Variants in SGPP1 observed in about 807,000 individuals in gnomAD.
The protein encoded by SGPP1 is hSPP1.
SGPP1 carries 21 observed loss-of-function variants against 33.0 expected under a neutral mutation model. The observed-to-expected ratio is 0.64, with a 90% CI of 0.45 to 0.92. The LOEUF is 0.92. Ranked by LOEUF, SGPP1 falls within the 40% of genes least tolerant of loss-of-function variation. The pLI, the probability that SGPP1 is intolerant of heterozygous loss-of-function variation, is 0.00. For synonymous variants in SGPP1, 239 were observed against 241.2 expected, an observed-to-expected ratio of 0.99 and a Z score of 0.08; for missense variants, 543 against 589.4, an observed-to-expected ratio of 0.92 and a Z score of 0.81.
intron 1 of SGPP1, among the ~76,000 whole-genome samples, chr14:63,705,494 C>A (rs1460220859): frequency 6.6e-6 from 1 of 150,968 alleles, no homozygotes; most frequent in Non-Finnish European, 1.5e-5. Flanking sequence ...AAGGCGAAAC[C>A]CCATCTCTAA....
At chr14:63,719,003 TATATATATA>T (rs1490076917) in intron 1 of SGPP1, among the ~76,000 whole-genome samples, 28 of 26,970 alleles carry the variant, frequency 1.0e-3, no homozygotes, top group African/African-American at 2.2e-3. Context: ...TATATATATA[TATATATATA>T]TATTTTTTTT....
chr14:63,697,146 CAA>C (rs748379583), intron 2 of SGPP1, among the ~76,000 whole-genome samples: 24 of 152,044 alleles, frequency 1.6e-4, no homozygotes, highest in Non-Finnish European at 1.2e-4. Flanking sequence ...CCTTTGCAAA[CAA>C]ATCTGCTTAT....
intron 1 of SGPP1, among the ~76,000 whole-genome samples, chr14:63,721,462 A>G (rs887657435): frequency 7.2e-5 from 11 of 152,204 alleles, no homozygotes; most frequent in African/African-American, 2.7e-4. Flanking sequence ...AAAAAAAGGA[A>G]TTAGTAATAA....
At chr14:63,695,243 A>C (rs1329709201) in intron 2 of SGPP1, among the ~76,000 whole-genome samples, 1 of 152,066 alleles carries the variant, frequency 6.6e-6, no homozygotes, top group Non-Finnish European at 1.5e-5. Context: ...TTTTTAGTAG[A>C]GACGGGGTTT....
At chr14:63,712,638 C>T (rs1341259108) in intron 1 of SGPP1, among the ~76,000 whole-genome samples, 1 of 152,126 alleles carries the variant, frequency 6.6e-6, no homozygotes, top group African/African-American at 2.4e-5. Context: ...GAAAACAGAA[C>T]ATTTTTAATT....
In SGPP1 at chr14:63,686,181, T is replaced by C. The variant is rs1413874845; in HGVS notation, c.1250A>G (p.Tyr417Cys). The C allele has an allele frequency of 5.0e-6, 8 of 1,613,910 alleles. No individual in the cohort carries two copies. Among genetic ancestry groups the C allele is most frequent in the Admixed American group, 3.3e-5 (2 of 60,016 alleles). ...QHMEVELPYR[Y>C]ITYGMVGFSI... ...GAAACCAACCATTCCATAGGTAATA[T>C]ACCGATAAGGAAGTTCAACTTCCAT... The change falls in exon 3 of 3, where the codon TAT becomes TGT. Residue 417 changes from tyrosine (Y) to cysteine (C), a missense_variant. Tyr to Cys is a radical substitution (Grantham distance 194). Transcript: ENST00000247225.
chr14:63,690,373 G>A (rs1885067509), intron 2 of SGPP1, among the ~76,000 whole-genome samples: 1 of 152,216 alleles, frequency 6.6e-6, no homozygotes, highest in Non-Finnish European at 1.5e-5. Flanking sequence ...AATAAAAATT[G>A]TGTCATGAAA....
chr14:63,726,469 TTGTC>T (rs1486384274), intron 1 of SGPP1, among the ~76,000 whole-genome samples: 1 of 152,204 alleles, frequency 6.6e-6, no homozygotes, highest in African/African-American at 2.4e-5. Context: ...ATTTTCCTGA[TTGTC>T]AGGCTGACCC....
intron 1 of SGPP1, among the ~76,000 whole-genome samples, chr14:63,704,370 A>G (rs1885363722): frequency 6.6e-6 from 1 of 152,168 alleles, no homozygotes; most frequent in Non-Finnish European, 1.5e-5. Flanking sequence ...CCATATACGT[A>G]TGGTTAACTG....
intron 2 of SGPP1, among the ~76,000 whole-genome samples, chr14:63,690,518 T>G (rs1401885554): frequency 2.0e-5 from 3 of 152,208 alleles, no homozygotes; most frequent in Non-Finnish European, 4.4e-5. Flanking sequence ...CAGTTGAACA[T>G]TCAACTATAA....
At chr14:63,699,553 T>C (rs185035492) in intron 1 of SGPP1, among the ~76,000 whole-genome samples, 2 of 152,176 alleles carry the variant, frequency 1.3e-5, no homozygotes, top group Admixed American at 6.5e-5. Context: ...TTGTTGGTTT[T>C]TGGTGGTTTG....
intron 1 of SGPP1, among the ~76,000 whole-genome samples, chr14:63,707,535 ATTTT>A (rs113329588): frequency 7.2e-6 from 1 of 138,994 alleles, no homozygotes; most frequent in African/African-American, 2.7e-5. Context: ...TTATCTACTG[ATTTT>A]TTTTTTTTTT....
At position 63,719,014 on chromosome 14, in the gene SGPP1, A is replaced by AT. The variant is rs1163496718; in HGVS notation, c.684+8246dup. ...TATATATATATATATATATATATAT[A>AT]TTTTTTTTTTTTTTTTTTTTTTTTT... On this transcript the variant is annotated intron_variant, in intron 1 of 2. Transcript: ENST00000247225. 1.7e-3 allele frequency among the ~76,000 whole-genome samples: 34 copies of AT among 19,434 alleles called. 6 individuals carry two copies. Among genetic ancestry groups the AT allele is most frequent in the Admixed American group, 4.0e-3 (4 of 996 alleles). The allele number at this position is 19,434 out of a possible 152,430, so 12.7% of individuals were successfully genotyped here.
At position 63,689,137 on chromosome 14, in the gene SGPP1, T is replaced by C. The variant is rs79100051; in HGVS notation, c.775-2481A>G. On this transcript the variant is annotated intron_variant, in intron 2 of 2. Coordinates refer to ENST00000247225, the MANE Select transcript of SGPP1 (RefSeq NM_030791.4). ...TACATAGCAAAATACATGTACAGTA[T>C]ATATGAAACTATAAAATTCATATCT... 4.0e-3 allele frequency among the ~76,000 whole-genome samples: 602 copies of C among 152,314 alleles called. 12 individuals carry two copies. In the East Asian group the frequency reaches 0.042, roughly 11 times the overall value.
At chr14:63,704,484 A>ACTC (rs1467042031) in intron 1 of SGPP1, among the ~76,000 whole-genome samples, 1 of 152,124 alleles carries the variant, frequency 6.6e-6, no homozygotes, top group East Asian at 1.9e-4. Context: ...ATGAAGTTGG[A>ACTC]CTCCTATCTC....
At chr14:63,694,503 A>AC (rs1165740213) in intron 2 of SGPP1, among the ~76,000 whole-genome samples, 2 of 152,168 alleles carry the variant, frequency 1.3e-5, no homozygotes, top group African/African-American at 4.8e-5. Context: ...AACAAAACTT[A>AC]GATTGCTACG....
rs1278183688 is a variant in SGPP1 at position 63,727,989 on chromosome 14, C to T, written c.-45G>A. ...AGGCGGGCCGGCCTCCGGCGCAGCCCCGAACTGTCCCCGCGCTCCTGGCCA... is the reference window on the plus strand; with the variant it reads ...AGGCGGGCCGGCCTCCGGCGCAGCCTCGAACTGTCCCCGCGCTCCTGGCCA... On this transcript the variant is annotated 5_prime_UTR_variant, in exon 1 of 3. Transcript: ENST00000247225. 1.3e-6 allele frequency: 2 copies of T among 1,499,906 alleles called. No individual in the cohort carries two copies. The highest frequency in any genetic ancestry group is 1.8e-6 in the Non-Finnish European group (2 of 1,132,342). The allele number at this position is 1,499,906 out of a possible 1,614,324, so 92.9% of individuals were successfully genotyped here.
At chr14:63,720,087 C>T (rs977049199) in intron 1 of SGPP1, among the ~76,000 whole-genome samples, 1 of 146,108 alleles carries the variant, frequency 6.8e-6, no homozygotes, top group South Asian at 2.2e-4. Context: ...GATGGCACCA[C>T]TGCACTCCAG....
At chr14:63,721,875 CAT>C (rs1399217309) in intron 1 of SGPP1, among the ~76,000 whole-genome samples, 16 of 152,064 alleles carry the variant, frequency 1.1e-4, no homozygotes, top group African/African-American at 3.9e-4. Context: ...GTGGATGTTG[CAT>C]ATGTATGTAC....
Sources: gnomAD v4.1 joint callset for allele counts (sites outside exome capture counted in the v4.1 genomes callset) on GRCh38, gnomAD v4.1.1 for gene constraint, MANE v1.5 for transcripts, NCBI Gene and HGNC (gene_info 2026-07-23, HGNC 2026-07-21) for gene names.